Variants in MAD1L1 observed in about 807,000 individuals in gnomAD.
MAD1L1 encodes mitotic arrest deficient 1 like 1.
MAD1L1 carries 95 observed loss-of-function variants against 96.9 expected under a neutral mutation model. The ratio of observed to expected loss-of-function variants is 0.98; its 90% CI spans 0.83 to 1.16. MAD1L1 has a LOEUF of 1.16. Among genes scored for constraint, MAD1L1 ranks in the 50% most tolerant of loss-of-function variants. MAD1L1 has a pLI of 0.00. For missense variants in MAD1L1, 1,007 were observed against 954.4 expected, an observed-to-expected ratio of 1.06 and a Z score of -0.73; for synonymous variants, 473 against 396.6, an observed-to-expected ratio of 1.19 and a Z score of -2.29.
intron 16 of MAD1L1, among the ~76,000 whole-genome samples, chr7:1,949,837 C>A (rs1314190507): frequency 6.6e-6 from 1 of 152,224 alleles, no homozygotes; most frequent in Admixed American, 6.5e-5. Flanking sequence ...CAGACAGGGC[C>A]ACGGCCCTTG....
intron 18 of MAD1L1, among the ~76,000 whole-genome samples, chr7:1,875,614 T>C (rs1325269598): frequency 1.3e-5 from 2 of 152,096 alleles, no homozygotes; most frequent in African/African-American, 4.8e-5. Context: ...GCGGCAAGGT[T>C]CCCAGCAAAA....
intron 11 of MAD1L1, among the ~76,000 whole-genome samples, chr7:2,104,791 G>A (rs919695457): frequency 2.0e-4 from 31 of 152,062 alleles, no homozygotes; most frequent in African/African-American, 7.5e-4. Flanking sequence ...TTAATTATCT[G>A]AGCACAGGTC....
chr7:2,158,699 G>A (rs1398492282), intron 10 of MAD1L1, among the ~76,000 whole-genome samples: 3 of 152,274 alleles, frequency 2.0e-5, no homozygotes, highest in African/African-American at 7.2e-5. Context: ...TCTGGCTGAT[G>A]CAACACAATT....
chr7:1,938,284 G>C (rs1158801366), intron 16 of MAD1L1, among the ~76,000 whole-genome samples: 1 of 151,650 alleles, frequency 6.6e-6, no homozygotes, highest in African/African-American at 2.4e-5. Context: ...ACGGCAGGGA[G>C]GTGCAGGGTC....
intron 3 of MAD1L1, among the ~76,000 whole-genome samples, chr7:2,227,849 A>C (rs1427389188): frequency 6.6e-6 from 1 of 152,208 alleles, no homozygotes; most frequent in Non-Finnish European, 1.5e-5. Flanking sequence ...CAGGAGTCCC[A>C]GACACACCTG....
chr7:2,218,002 G>C lies in MAD1L1; in HGVS notation c.638C>G (p.Ala213Gly). The C allele has an allele frequency of 6.2e-7, 1 of 1,614,098 alleles. No individual in the cohort carries two copies. The highest frequency in any genetic ancestry group is 8.5e-7 in the Non-Finnish European group (1 of 1,179,974). The part of the protein sequence containing the change: ...EANQKIQELQ[A>G]SQEARADHEQ... ...GTGGTCTGCTCTTGCTTCTTGGCTG[G>C]CCTGGAGTTCCTGGATTTTCTGATT... The change falls in exon 7 of 19, where the codon GCC becomes GGC. Residue 213 changes from alanine (A) to glycine (G), a missense_variant. By Grantham distance (60) the Ala-to-Gly change is moderately conservative. Coordinates refer to ENST00000265854, the MANE Select transcript of MAD1L1 (RefSeq NM_001013836.2).
chr7:1,897,980 C>G, intron 18 of MAD1L1: 1 of 594,446 alleles, frequency 1.7e-6, no homozygotes, highest in South Asian at 2.0e-5. Flanking sequence ...GTCTTCTGCA[C>G]CCAGGAGGTC....
chr7:2,219,257 G>A, intron 6 of MAD1L1, 75 bp downstream of exon 6: 1 of 1,364,408 alleles, frequency 7.3e-7, no homozygotes, highest in East Asian at 2.5e-5. Flanking sequence ...ATCCCACCCA[G>A]CCACCAGGAG....
chr7:2,168,811 C>T (rs901668159), intron 10 of MAD1L1, among the ~76,000 whole-genome samples: 5 of 152,294 alleles, frequency 3.3e-5, no homozygotes, highest in East Asian at 1.9e-4. Context: ...GGCAGACACA[C>T]GGGGCGTGGG....
Position 2,193,665 on chromosome 7 carries a change from G to C in MAD1L1, c.986+19547C>G, listed in dbSNP as rs146252215. 4.0e-3 allele frequency among the ~76,000 whole-genome samples: 614 copies of C among 152,318 alleles called. 1 individual carries two copies. The highest frequency in any genetic ancestry group is 6.9e-3 in the Non-Finnish European group (466 of 68,024). ...TTATCCCTTCAAAATTATTACCAAG[G>C]GGTAACACGGCCGCGGGTAACTCCA... On this transcript the variant is annotated intron_variant, in intron 10 of 18. Transcript: ENST00000265854.
At chr7:1,954,723 T>C (rs116780039) in intron 16 of MAD1L1, among the ~76,000 whole-genome samples, 14,509 of 152,226 alleles carry the variant, frequency 0.095, 2,229 homozygotes, top group African/African-American at 0.32. Flanking sequence ...CTGAGCTCCT[T>C]CCTCCTTCAC....
rs779978186 is a variant in MAD1L1 at position 2,013,943 on chromosome 7, G to A, written c.1359+559C>T. Among the ~76,000 whole-genome samples the A allele has an allele frequency of 3.2e-4, 49 of 152,230 alleles. 1 individual carries two copies. The highest frequency in any genetic ancestry group is 5.7e-4 in the Non-Finnish European group (39 of 68,030). On this transcript the variant is annotated intron_variant, in intron 13 of 18. Coordinates refer to ENST00000265854, the MANE Select transcript of MAD1L1 (RefSeq NM_001013836.2). The stretch of plus-strand genomic sequence containing the variant: ...CCCATGGGGCAGGGAAAAGGCAGAA[G>A]CCAAGGCTGAGGCCACCTCTCCTGG...
chr7:2,098,971 G>A (rs542378808), intron 11 of MAD1L1, among the ~76,000 whole-genome samples: 4 of 152,308 alleles, frequency 2.6e-5, no homozygotes, highest in African/African-American at 9.6e-5. Flanking sequence ...TCTTATAGAG[G>A]AAACAACAGG....
chr7:1,871,812 G>T (rs941147288), intron 18 of MAD1L1, among the ~76,000 whole-genome samples: 12 of 152,218 alleles, frequency 7.9e-5, no homozygotes, highest in East Asian at 3.8e-4. Context: ...GGCGGTGCAG[G>T]CTTCCCCGGA....
intron 18 of MAD1L1, among the ~76,000 whole-genome samples, chr7:1,851,754 G>A (rs965897949): frequency 2.0e-5 from 3 of 152,150 alleles, no homozygotes; most frequent in Non-Finnish European, 2.9e-5. Context: ...TTACAGTGTC[G>A]CGAAACCTGT....
At chr7:2,154,433 GGTGACTAGA>G (rs1350429325) in intron 10 of MAD1L1, among the ~76,000 whole-genome samples, 1 of 152,160 alleles carries the variant, frequency 6.6e-6, no homozygotes, top group Non-Finnish European at 1.5e-5. Flanking sequence ...AGAAGAGGAG[GGTGACTAGA>G]GTTAACAGTG....
chr7:1,887,345 G>C (rs911187821), intron 18 of MAD1L1, among the ~76,000 whole-genome samples: 6 of 151,850 alleles, frequency 4.0e-5, no homozygotes, highest in African/African-American at 1.2e-4. Context: ...GCCTGTGTAC[G>C]TGTGAGCATG....
intron 14 of MAD1L1, among the ~76,000 whole-genome samples, chr7:1,982,596 C>A (rs1315260210): frequency 6.6e-6 from 1 of 152,206 alleles, no homozygotes; most frequent in Non-Finnish European, 1.5e-5. Flanking sequence ...CCGACAGCAG[C>A]AGTTCTCAGT....
chr7:2,038,670 G>C (rs1433442774), intron 12 of MAD1L1, among the ~76,000 whole-genome samples: 3 of 151,686 alleles, frequency 2.0e-5, no homozygotes, highest in African/African-American at 7.3e-5. Flanking sequence ...GTGCCACCAC[G>C]CCTCACTAAT....
Sources: gnomAD v4.1 joint callset for allele counts (sites outside exome capture counted in the v4.1 genomes callset) on GRCh38, gnomAD v4.1.1 for gene constraint, MANE v1.5 for transcripts, NCBI Gene and HGNC (gene_info 2026-07-23, HGNC 2026-07-21) for gene names.